The following DLGAP1 variants were observed in gnomAD, a reference collection of about 807,000 sequenced individuals.
DLGAP1 encodes disks large-associated protein 1.
DLGAP1 carries 11 observed loss-of-function variants against 90.8 expected under a neutral mutation model. The ratio of observed to expected loss-of-function variants is 0.12; its 90% CI spans 0.08 to 0.20. The LOEUF is 0.20. Among genes scored for constraint, DLGAP1 ranks in the 10% least tolerant of loss-of-function variants. DLGAP1 has a pLI of 1.00. For synonymous variants in DLGAP1, 558 were observed against 540.7 expected (o/e 1.03, Z -0.44); for missense variants, 1,050 against 1,333.8 (o/e 0.79, Z 3.31).
intron 7 of DLGAP1, among the ~76,000 whole-genome samples, chr18:3,623,294 C>T (rs1247133169): frequency 2.0e-5 from 3 of 152,150 alleles, no homozygotes; most frequent in Non-Finnish European, 2.9e-5. Flanking sequence ...ATGTTTAATC[C>T]TATTAATGCA....
At chr18:4,141,292 G>C (rs1324350239) in intron 2 of DLGAP1, among the ~76,000 whole-genome samples, 1 of 151,994 alleles carries the variant, frequency 6.6e-6, no homozygotes, top group Non-Finnish European at 1.5e-5. Flanking sequence ...CAGAGACTAA[G>C]TAGGCACACC....
At chr18:4,314,688 A>C in intron 1 of DLGAP1, among the ~76,000 whole-genome samples, 1 of 152,204 alleles carries the variant, frequency 6.6e-6, no homozygotes, top group East Asian at 1.9e-4. Flanking sequence ...CACACAATAA[A>C]CATTCCCCTA....
chr18:3,719,086 T>G lies in DLGAP1; in HGVS notation c.1591+10049A>C, dbSNP rs78528630. On this transcript the variant is annotated intron_variant, in intron 7 of 12. Coordinates refer to ENST00000315677, the MANE Select transcript of DLGAP1 (RefSeq NM_004746.4). ...AGTATAACATTGTGTGATGTAACTC[T>G]TCATGTATGTGTAGGAAATATTTAA... Among the ~76,000 whole-genome samples, 140 of 152,284 alleles carry G rather than the reference T, an allele frequency of 9.2e-4. No homozygotes were observed. In the East Asian group the frequency reaches 9.4e-3, roughly 10 times the overall value.
chr18:4,175,808 C>A (rs138326571), intron 1 of DLGAP1, among the ~76,000 whole-genome samples: 3 of 152,026 alleles, frequency 2.0e-5, no homozygotes, highest in African/African-American at 7.2e-5. Context: ...AAAACAGTAC[C>A]GTGCTGTTTT....
intron 7 of DLGAP1, among the ~76,000 whole-genome samples, chr18:3,626,459 T>A (rs1250589213): frequency 2.6e-5 from 4 of 151,504 alleles, no homozygotes; most frequent in African/African-American, 9.7e-5. Context: ...CTGGGCATGG[T>A]GGTGGGCGTC....
intron 9 of DLGAP1, among the ~76,000 whole-genome samples, chr18:3,543,883 C>T (rs1273638335): frequency 1.3e-5 from 2 of 151,718 alleles, no homozygotes; most frequent in Non-Finnish European, 1.5e-5. Flanking sequence ...GAGAACTGCA[C>T]AGAGTGAAGG....
At chr18:3,931,319 C>T (rs1272901131) in intron 3 of DLGAP1, among the ~76,000 whole-genome samples, 2 of 152,094 alleles carry the variant, frequency 1.3e-5, no homozygotes, top group Non-Finnish European at 2.9e-5. Flanking sequence ...CTGGTGGAAG[C>T]TGGGGAAGGA....
At chr18:3,540,928 T>A (rs1407559069) in intron 9 of DLGAP1, among the ~76,000 whole-genome samples, 1 of 152,184 alleles carries the variant, frequency 6.6e-6, no homozygotes, top group East Asian at 1.9e-4. Context: ...GCTGCCAGCC[T>A]CTTTTTAGCA....
At chr18:4,422,906 C>T (rs2144692361) in intron 1 of DLGAP1, among the ~76,000 whole-genome samples, 1 of 152,042 alleles carries the variant, frequency 6.6e-6, no homozygotes, top group East Asian at 1.9e-4. Context: ...TGAATAACAT[C>T]CACAAACGTA....
intron 3 of DLGAP1, among the ~76,000 whole-genome samples, chr18:3,910,511 C>T (rs1460106431): frequency 6.6e-6 from 1 of 152,132 alleles, no homozygotes; most frequent in East Asian, 1.9e-4. Flanking sequence ...AATTCAAATT[C>T]AATAGCCATT....
intron 1 of DLGAP1, among the ~76,000 whole-genome samples, chr18:4,392,603 A>T (rs965825700): frequency 6.6e-6 from 1 of 152,210 alleles, no homozygotes; most frequent in African/African-American, 2.4e-5. Flanking sequence ...CCACCTACTC[A>T]AAGTTTAAAG....
chr18:4,039,375 T>A (rs2074942175), intron 2 of DLGAP1, among the ~76,000 whole-genome samples: 1 of 152,054 alleles, frequency 6.6e-6, no homozygotes, highest in Non-Finnish European at 1.5e-5. Context: ...TCCATCTCTG[T>A]CCTCCTTCAG....
chr18:4,058,148 A>C (rs2143229185), intron 2 of DLGAP1, among the ~76,000 whole-genome samples: 1 of 152,158 alleles, frequency 6.6e-6, no homozygotes, highest in East Asian at 1.9e-4. Context: ...TTTCCCAAAA[A>C]CCCACACAGC....
intron 3 of DLGAP1, among the ~76,000 whole-genome samples, chr18:3,940,343 G>A (rs1217014411): frequency 1.3e-5 from 2 of 152,174 alleles, no homozygotes; most frequent in East Asian, 3.9e-4. Context: ...AACTACTCCC[G>A]AAATTCCTGA....
At chr18:4,088,428 T>C (rs2075718655) in intron 2 of DLGAP1, among the ~76,000 whole-genome samples, 1 of 95,204 alleles carries the variant, frequency 1.1e-5, no homozygotes, top group African/African-American at 3.9e-5. Flanking sequence ...ATAATTTTCC[T>C]TTGTGTGTGT....
intron 5 of DLGAP1, among the ~76,000 whole-genome samples, chr18:3,748,332 C>T (rs974324937): frequency 6.6e-6 from 1 of 152,214 alleles, no homozygotes; most frequent in East Asian, 1.9e-4. Context: ...AATCATCAGA[C>T]CACAAAGTTT....
chr18:4,168,604 ATTAAT>A (rs1420974751), intron 1 of DLGAP1, among the ~76,000 whole-genome samples: 1 of 152,020 alleles, frequency 6.6e-6, no homozygotes, highest in Non-Finnish European at 1.5e-5. Context: ...TTTCGTTTCT[ATTAAT>A]TTGTCTACTC....
chr18:4,233,974 A>G (rs2078351637), intron 1 of DLGAP1, among the ~76,000 whole-genome samples: 1 of 146,994 alleles, frequency 6.8e-6, no homozygotes, highest in Admixed American at 6.8e-5. Context: ...TTTGAGAAGC[A>G]TGATTTCAAT....
At chr18:3,659,394 TAC>T (rs71366699) in intron 7 of DLGAP1, among the ~76,000 whole-genome samples, 16,254 of 101,972 alleles carry the variant, frequency 0.16, 1,431 homozygotes, top group Non-Finnish European at 0.19. Context: ...CATACATTTA[TAC>T]ACACACACAC....
Sources: allele counts gnomAD v4.1 joint callset (sites outside exome capture counted in the v4.1 genomes callset), GRCh38; gene constraint gnomAD v4.1.1; transcripts MANE v1.5; gene names NCBI Gene and HGNC (gene_info 2026-07-23, HGNC 2026-07-21).